The following SLC35F2 variants were observed in gnomAD, a reference collection of about 807,000 sequenced individuals.
The protein encoded by SLC35F2 is solute carrier family 35 member F2.
Under a neutral mutation model 38.1 loss-of-function variants are expected in SLC35F2, and 25 were observed. The observed-to-expected ratio is 0.66, with a 90% confidence interval of 0.48 to 0.92. The LOEUF (loss-of-function observed/expected upper bound fraction) is 0.92, where lower values mean the gene tolerates loss of function less well. Among genes scored for constraint, SLC35F2 ranks in the 40% least tolerant of loss-of-function variants. The pLI, the probability that SLC35F2 is intolerant of heterozygous loss-of-function variation, is 0.00. For missense variants in SLC35F2, 409 were observed against 452.9 expected (o/e 0.90, Z 0.88); for synonymous variants, 173 against 181.7 (o/e 0.95, Z 0.38).
At position 107,830,824 on chromosome 11, in the gene SLC35F2, A is replaced by G. The variant is rs545523168; in HGVS notation, c.111-14859T>C. On this transcript the variant is annotated intron_variant, in intron 1 of 7. Coordinates refer to ENST00000525815, the MANE Select transcript of SLC35F2 (RefSeq NM_017515.5). ...GTGTCTGATTAGTTAAAAGAGAGAGAGAAAAAAATAAACTCATTATTACTT... is the reference window on the plus strand; with the variant it reads ...GTGTCTGATTAGTTAAAAGAGAGAGGGAAAAAAATAAACTCATTATTACTT... Among the ~76,000 whole-genome samples, 287 of 152,278 alleles carry G rather than the reference A, an allele frequency of 1.9e-3. 1 individual carries two copies. Among genetic ancestry groups the G allele is most frequent in the African/African-American group, 5.6e-3 (232 of 41,548 alleles).
At position 107,811,674 on chromosome 11, in the gene SLC35F2, C is replaced by T; in HGVS notation, c.407G>A (p.Ser136Asn). ...CAGAGGGCTCCCTCTTACCTGGACA[C>T]TGGTTAGAGTTGTGTACTGGTAGGC... Reference protein sequence around the residue: ...VRAYQYTTLTSVQLLDCFGIP... With the variant: ...VRAYQYTTLTNVQLLDCFGIP... The change falls in exon 3 of 8, where the codon AGT becomes AAT. Residue 136 changes from serine to asparagine, a missense_variant. Transcript: ENST00000525815. The T allele has an allele frequency of 1.2e-6, 2 of 1,610,530 alleles. No homozygotes were observed. The highest frequency in any genetic ancestry group is 1.7e-6 in the Non-Finnish European group (2 of 1,178,404).
chr11:107,818,600 GT>G (rs1312691385), intron 1 of SLC35F2, among the ~76,000 whole-genome samples: 3 of 152,096 alleles, frequency 2.0e-5, no homozygotes, highest in African/African-American at 4.8e-5. Context: ...GCATCATACT[GT>G]ATATACTTCT....
Position 107,803,030 on chromosome 11 carries a change from A to C in SLC35F2, c.910T>G (p.Phe304Val). Residue 304 changes from phenylalanine to valine, a missense_variant, in exon 7 of 8, where the codon TTT becomes GTT. Coordinates refer to ENST00000525815, the MANE Select transcript of SLC35F2 (RefSeq NM_017515.5). ...GILTADLYSL[F>V]VGLFLFGYKF... ...TAGCCAAACAGAAAGAGTCCAACAAAAAGGCTGTAGAGGTCCGCTGTCAGG... is the reference window on the plus strand; with the variant it reads ...TAGCCAAACAGAAAGAGTCCAACAACAAGGCTGTAGAGGTCCGCTGTCAGG... The C allele has an allele frequency of 6.2e-7, 1 of 1,612,854 alleles. No individual in the cohort carries two copies. The highest frequency in any genetic ancestry group is 8.5e-7 in the Non-Finnish European group (1 of 1,179,708).
chr11:107,831,518 C>G (rs1859841314), intron 1 of SLC35F2, among the ~76,000 whole-genome samples: 1 of 152,202 alleles, frequency 6.6e-6, no homozygotes, highest in African/African-American at 2.4e-5. Flanking sequence ...CACCACCACA[C>G]CCAACCAACA....
At chr11:107,842,503 T>C (rs1355240135) in intron 1 of SLC35F2, among the ~76,000 whole-genome samples, 1 of 151,736 alleles carries the variant, frequency 6.6e-6, no homozygotes, top group Non-Finnish European at 1.5e-5. Context: ...ACAGGAAATG[T>C]GCCACCATAC....
At chr11:107,818,056 CAAAAAAA>C (rs57787130) in intron 1 of SLC35F2, among the ~76,000 whole-genome samples, 738 of 66,128 alleles carry the variant, frequency 0.011, 9 homozygotes, top group African/African-American at 0.035. Context: ...GACTCTGTCT[CAAAAAAA>C]AAAAAAAAAA....
At chr11:107,801,142 G>A (rs1859302406) in intron 7 of SLC35F2, among the ~76,000 whole-genome samples, 1 of 152,018 alleles carries the variant, frequency 6.6e-6, no homozygotes, top group African/African-American at 2.4e-5. Context: ...CTTGACTTCA[G>A]GTGATCCACC....
intron 3 of SLC35F2, chr11:107,809,805 A>G: frequency 2.0e-6 from 2 of 985,282 alleles, no homozygotes; most frequent in Non-Finnish European, 2.4e-6. Flanking sequence ...TAGAGTATAG[A>G]AGAGAAAATG....
chr11:107,857,527 T>C (rs763601056), intron 1 of SLC35F2, among the ~76,000 whole-genome samples: 1 of 152,208 alleles, frequency 6.6e-6, no homozygotes, highest in Non-Finnish European at 1.5e-5. Context: ...CACAACTGGA[T>C]GCTACAAGGT....
intron 7 of SLC35F2, 65 bp from the exon 8 acceptor site, chr11:107,792,865 C>G (rs1021802613): frequency 6.2e-6 from 9 of 1,449,380 alleles, no homozygotes; most frequent in Non-Finnish European, 8.2e-6. Flanking sequence ...CTGGCTTTTG[C>G]CAACTGTGCT....
At chr11:107,804,665 G>T in intron 6 of SLC35F2, 53 bp downstream of exon 6, 1 of 1,264,132 alleles carries the variant, frequency 7.9e-7, no homozygotes, top group South Asian at 1.3e-5. Flanking sequence ...ATTTCTAGAT[G>T]TTCATTTGTT....
intron 3 of SLC35F2, chr11:107,810,904 T>C (rs1859470062): frequency 4.1e-6 from 4 of 980,992 alleles, no homozygotes; most frequent in East Asian, 1.1e-4. Flanking sequence ...AAGGGACATA[T>C]CAAAAAGTTA....
intron 2 of SLC35F2, 96 bp from the exon 3 acceptor site, chr11:107,811,890 T>G (rs1859487538): frequency 8.5e-7 from 1 of 1,183,094 alleles, no homozygotes; most frequent in African/African-American, 1.5e-5. Context: ...AGTTTCTTGT[T>G]TTTTTTTCTT....
At chr11:107,807,269 T>TAAAAAAAAAAAA (rs1465881317) in intron 3 of SLC35F2, among the ~76,000 whole-genome samples, 1 of 23,326 alleles carries the variant, frequency 4.3e-5, no homozygotes, top group African/African-American at 1.5e-4. Flanking sequence ...ACCCTGTCTG[T>TAAAAAAAAAAAA]ACAAAAAAAA....
Position 107,815,822 on chromosome 11 carries a change from A to G in SLC35F2, c.254T>C (p.Leu85Pro). ...QSFINYCLLF[L>P]IYTVMLAFRS... ...AAATGCCAGCATCACTGTATAAATT[A>G]GGAACAGCAAGCAATAATTGATAAA... is the stretch of plus-strand genomic sequence containing the variant. The change falls in exon 2 of 8, where the codon CTA becomes CCA. Residue 85 changes from leucine to proline, a missense_variant. Coordinates refer to ENST00000525815, the MANE Select transcript of SLC35F2 (RefSeq NM_017515.5). 1 of 1,613,482 alleles carries G rather than the reference A, an allele frequency of 6.2e-7. No individual in the cohort carries two copies. Among genetic ancestry groups the G allele is most frequent in the South Asian group, 1.1e-5 (1 of 90,836 alleles).
chr11:107,830,825 G>A (rs1042424619), intron 1 of SLC35F2, among the ~76,000 whole-genome samples: 59 of 152,026 alleles, frequency 3.9e-4, no homozygotes, highest in African/African-American at 1.3e-3. Context: ...AAGAGAGAGA[G>A]AAAAAAATAA....
chr11:107,841,697 C>T (rs944701243), intron 1 of SLC35F2, among the ~76,000 whole-genome samples: 1 of 151,844 alleles, frequency 6.6e-6, no homozygotes, highest in African/African-American at 2.4e-5. Context: ...CCTGGCCGGG[C>T]GCAGTGGCTC....
chr11:107,829,030 C>A (rs1000052974), intron 1 of SLC35F2, among the ~76,000 whole-genome samples: 1 of 151,468 alleles, frequency 6.6e-6, no homozygotes, highest in Admixed American at 6.6e-5. Context: ...ATTGCTTGAA[C>A]CTGGCAGGAG....
intron 1 of SLC35F2, among the ~76,000 whole-genome samples, chr11:107,816,779 G>C (rs1859581117): frequency 6.6e-6 from 1 of 152,130 alleles, no homozygotes; most frequent in East Asian, 1.9e-4. Context: ...GCTGGATTTT[G>C]TTTAATTATG....
Sources: allele counts gnomAD v4.1 joint callset (sites outside exome capture counted in the v4.1 genomes callset), GRCh38; gene constraint gnomAD v4.1.1; transcripts MANE v1.5; gene names NCBI Gene and HGNC (gene_info 2026-07-23, HGNC 2026-07-21).